Variants in PDS5B observed in about 807,000 individuals in gnomAD.
PDS5B encodes the protein sister chromatid cohesion protein PDS5 homolog B.
A neutral mutation model predicts 184.1 loss-of-function variants in PDS5B; 51 were observed. The ratio of observed to expected loss-of-function variants is 0.28; its 90% CI spans 0.22 to 0.35. The LOEUF is 0.35. Among genes scored for constraint, PDS5B ranks in the 10% least tolerant of loss-of-function variants. PDS5B has a pLI of 1.00. For missense variants in PDS5B, 1,180 were observed against 1,723.3 expected, an observed-to-expected ratio of 0.68 and a Z score of 5.58; for synonymous variants, 566 against 569.2, an observed-to-expected ratio of 0.99 and a Z score of 0.08.
At chr13:32,701,764 C>G (rs1951869760) in intron 17 of PDS5B, among the ~76,000 whole-genome samples, 1 of 152,014 alleles carries the variant, frequency 6.6e-6, no homozygotes, top group Non-Finnish European at 1.5e-5. Context: ...ACCAGACACT[C>G]TTTGTTTTTG....
intron 14 of PDS5B, among the ~76,000 whole-genome samples, chr13:32,695,630 A>C (rs1448285727): frequency 6.6e-6 from 1 of 152,054 alleles, no homozygotes; most frequent in East Asian, 1.9e-4. Context: ...AATAACATCC[A>C]GGTAGTATGT....
chr13:32,727,652 A>G (rs1211422049), intron 19 of PDS5B, among the ~76,000 whole-genome samples: 2 of 152,068 alleles, frequency 1.3e-5, no homozygotes, highest in Non-Finnish European at 2.9e-5. Context: ...GCAGATTCTG[A>G]TGAAAAGTGT....
chr13:32,672,242 A>T (rs529817791), intron 7 of PDS5B, among the ~76,000 whole-genome samples: 1 of 152,350 alleles, frequency 6.6e-6, no homozygotes, highest in African/African-American at 2.4e-5. Flanking sequence ...ATGAAAATGT[A>T]AGAAGGCTGT....
At chr13:32,758,505 T>C (rs760930064) in intron 27 of PDS5B, 29 bp from the exon 28 acceptor site, 4 of 1,596,528 alleles carry the variant, frequency 2.5e-6, no homozygotes, top group Non-Finnish European at 3.4e-6. Flanking sequence ...AGCTTAAGTA[T>C]CTGTGTTTTT....
chr13:32,774,262 T>C (rs1217943285), intron 34 of PDS5B, among the ~76,000 whole-genome samples: 1 of 152,256 alleles, frequency 6.6e-6, no homozygotes. Context: ...TGGTCTCTGC[T>C]GTTCTGTCCT....
At chr13:32,641,767 A>G (rs764400557) in intron 1 of PDS5B, among the ~76,000 whole-genome samples, 1 of 152,202 alleles carries the variant, frequency 6.6e-6, no homozygotes, top group African/African-American at 2.4e-5. Flanking sequence ...CCCATAAAGC[A>G]TGAACAATAA....
chr13:32,589,882 C>T (rs1413412827), intron 1 of PDS5B, among the ~76,000 whole-genome samples: 2 of 148,268 alleles, frequency 1.3e-5, no homozygotes, highest in African/African-American at 5.0e-5. Context: ...TCTGTTACAA[C>T]CACTTGATTC....
chr13:32,699,797 T>G lies in PDS5B; in HGVS notation c.1668T>G (p.Asp556Glu). The G allele has an allele frequency of 1.3e-6, 2 of 1,582,254 alleles. No individual in the cohort carries two copies. Among genetic ancestry groups the G allele is most frequent in the South Asian group, 1.2e-5 (1 of 83,882 alleles). The change falls in exon 16 of 35, where the codon GAT becomes GAG. Residue 556 changes from aspartate (D) to glutamate (E), a missense_variant. Transcript: ENST00000315596. ...MKKFTQVLED[D>E]EKIRKQLEVL... The stretch of plus-strand genomic sequence containing the variant: ...AATTCACACAGGTGTTAGAAGATGA[T>G]GAGAAAATAAGAAAGCAGTTAGAAG...
At chr13:32,678,124 G>A (rs1009526956) in intron 9 of PDS5B, among the ~76,000 whole-genome samples, 1 of 152,086 alleles carries the variant, frequency 6.6e-6, no homozygotes, top group South Asian at 2.1e-4. Flanking sequence ...TACAATTAGC[G>A]AAATCTAAAT....
chr13:32,623,098 A>G (rs896395771), intron 1 of PDS5B, among the ~76,000 whole-genome samples: 3 of 152,186 alleles, frequency 2.0e-5, no homozygotes, highest in African/African-American at 7.2e-5. Context: ...CGTGTGCTGA[A>G]TCAGTTCCTG....
intron 23 of PDS5B, 85 bp downstream of exon 23, chr13:32,742,812 CT>C (rs533631330): frequency 4.7e-3 from 5,114 of 1,086,528 alleles, no homozygotes; most frequent in Non-Finnish European, 5.2e-3. Context: ...GTTTCTTTTT[CT>C]TTTTTTTTTA....
At chr13:32,740,976 T>C in intron 21 of PDS5B, 104 bp from the exon 22 acceptor site, 1 of 688,974 alleles carries the variant, frequency 1.5e-6, no homozygotes, top group Non-Finnish European at 2.5e-6. Flanking sequence ...CAAATGTCAC[T>C]GCAGAAGGTA....
At position 32,667,840 on chromosome 13, in the gene PDS5B, C is replaced by G; in HGVS notation, c.701C>G (p.Thr234Ser). 6.4e-7 allele frequency: 1 copy of G among 1,552,108 alleles called. No individual in the cohort carries two copies. The change falls in exon 7 of 35, where the codon ACC (threonine) becomes AGC (serine). Residue 234 changes from threonine (T) to serine (S), a missense_variant. Physicochemically the swap from Thr to Ser is moderately conservative, Grantham distance 58. Around this residue, in one of 11 missense-constraint regions of PDS5B, gnomAD observed 79 missense variants for 124.6 expected, o/e 0.63. Transcript: ENST00000315596. Reference protein sequence around the residue: ...RTAQAIEPYITNFFNQVLMLG... With the variant: ...RTAQAIEPYISNFFNQVLMLG... The stretch of plus-strand genomic sequence containing the variant: ...GCTCAAGCTATTGAGCCATATATTA[C>G]CAATGTAAGTCTTACTTGTAATTGG...
chr13:32,717,248 A>G (rs1952485260), intron 19 of PDS5B, among the ~76,000 whole-genome samples: 1 of 152,060 alleles, frequency 6.6e-6, no homozygotes, highest in South Asian at 2.1e-4. Context: ...TGGAATAGAA[A>G]GGGGGGAAAG....
chr13:32,603,508 A>G (rs898683823), intron 1 of PDS5B, among the ~76,000 whole-genome samples: 1 of 152,180 alleles, frequency 6.6e-6, no homozygotes, highest in Admixed American at 6.5e-5. Context: ...GCCTTGTAGT[A>G]TAGTTTGAAG....
At position 32,722,104 on chromosome 13, in the gene PDS5B, C is replaced by T. The variant is rs552363317; in HGVS notation, c.2124-9997C>T. On this transcript the variant is annotated intron_variant, in intron 19 of 34. Coordinates refer to ENST00000315596, the MANE Select transcript of PDS5B (RefSeq NM_015032.4). The stretch of plus-strand genomic sequence containing the variant: ...GTGAGCAAGACTCCGTCTGCAATCC[C>T]GGCACCTTGGGAGGCCGAGGCGGGC... Among the ~76,000 whole-genome samples the T allele has an allele frequency of 2.6e-3, 392 of 152,364 alleles. 2 individuals are homozygous for T. The highest frequency in any genetic ancestry group is 8.5e-3 in the African/African-American group (355 of 41,592).
intron 6 of PDS5B, among the ~76,000 whole-genome samples, chr13:32,665,444 C>T (rs1950760662): frequency 6.6e-6 from 1 of 151,542 alleles, no homozygotes; most frequent in African/African-American, 2.4e-5. Flanking sequence ...AAAAAATTAG[C>T]TGGGCGTGGT....
intron 1 of PDS5B, among the ~76,000 whole-genome samples, chr13:32,607,209 T>A (rs2058073324): frequency 6.6e-6 from 1 of 152,220 alleles, no homozygotes; most frequent in South Asian, 2.1e-4. Flanking sequence ...ACCTTTGGTC[T>A]TTGATGATGG....
At chr13:32,590,719 A>G (rs1451859010) in intron 1 of PDS5B, among the ~76,000 whole-genome samples, 1 of 152,190 alleles carries the variant, frequency 6.6e-6, no homozygotes, top group Non-Finnish European at 1.5e-5. Flanking sequence ...GATATTTTAA[A>G]GGAAAGCTCC....
Sources: gnomAD v4.1 joint callset for allele counts (sites outside exome capture counted in the v4.1 genomes callset) on GRCh38, gnomAD v4.1.1 for gene constraint, gnomAD v4.1.1 regional missense constraint, MANE v1.5 for transcripts, NCBI Gene and HGNC (gene_info 2026-07-23, HGNC 2026-07-21) for gene names.